The following PLCB1 variants were observed in gnomAD, a reference collection of about 807,000 sequenced individuals.
PLCB1 encodes the protein phospholipase C beta 1.
PLCB1 carries 46 observed loss-of-function variants against 161.8 expected under a neutral mutation model. The observed-to-expected ratio is 0.28, with a 90% CI of 0.22 to 0.36. The LOEUF (loss-of-function observed/expected upper bound fraction) is 0.36. Among genes scored for constraint, PLCB1 ranks in the 10% least tolerant of loss-of-function variants. The pLI, the probability that PLCB1 is intolerant of heterozygous loss-of-function variation, is 1.00. For missense variants in PLCB1, 1,016 were observed against 1,472.5 expected (o/e 0.69, Z 5.07); for synonymous variants, 517 against 503.7 (o/e 1.03, Z -0.35).
At chr20:8,421,800 C>T (rs1354814909) in intron 3 of PLCB1, among the ~76,000 whole-genome samples, 1 of 152,104 alleles carries the variant, frequency 6.6e-6, no homozygotes, top group African/African-American at 2.4e-5. Flanking sequence ...TTAGAAATGC[C>T]AGTTCTCAGG....
intron 3 of PLCB1, among the ~76,000 whole-genome samples, chr20:8,564,311 C>T (rs1020029757): frequency 6.6e-6 from 1 of 152,126 alleles, no homozygotes; most frequent in African/African-American, 2.4e-5. Flanking sequence ...GGATCCCTTC[C>T]TTACACCTTA....
At chr20:8,465,036 T>C (rs1178967187) in intron 3 of PLCB1, among the ~76,000 whole-genome samples, 1 of 152,214 alleles carries the variant, frequency 6.6e-6, no homozygotes, top group Admixed American at 6.5e-5. Flanking sequence ...ATCTTCTTAT[T>C]TATTTCCTGA....
intron 3 of PLCB1, among the ~76,000 whole-genome samples, chr20:8,593,328 A>G (rs1002006661): frequency 6.6e-6 from 1 of 151,928 alleles, no homozygotes; most frequent in African/African-American, 2.4e-5. Context: ...ACAAGCCACC[A>G]TGCCCATCTA....
At chr20:8,638,508 G>A (rs1440692557) in intron 4 of PLCB1, among the ~76,000 whole-genome samples, 3 of 151,680 alleles carry the variant, frequency 2.0e-5, no homozygotes, top group African/African-American at 4.8e-5. Context: ...ACGCACACAC[G>A]CACACACACA....
chr20:8,788,746 C>G, intron 29 of PLCB1, 24 bp downstream of exon 29: 1 of 1,415,392 alleles, frequency 7.1e-7, no homozygotes, highest in Non-Finnish European at 9.9e-7. Context: ...GTCCCCTCTC[C>G]CAAACAGTTC....
intron 2 of PLCB1, among the ~76,000 whole-genome samples, chr20:8,231,662 A>C (rs1158751823): frequency 1.3e-5 from 2 of 152,066 alleles, no homozygotes; most frequent in African/African-American, 4.8e-5. Flanking sequence ...CGCATTCCCA[A>C]GTCTAAGCAA....
chr20:8,617,400 T>C (rs557966226), intron 3 of PLCB1, among the ~76,000 whole-genome samples: 1 of 152,320 alleles, frequency 6.6e-6, no homozygotes, highest in East Asian at 1.9e-4. Context: ...TTTGAGGCTA[T>C]TTATAGTCTT....
intron 3 of PLCB1, among the ~76,000 whole-genome samples, chr20:8,605,278 C>T (rs1987722394): frequency 6.6e-6 from 1 of 151,932 alleles, no homozygotes; most frequent in Non-Finnish European, 1.5e-5. Flanking sequence ...ACCTATTTTC[C>T]CTTACCATAT....
chr20:8,815,081 C>T (rs1018408716), intron 31 of PLCB1, among the ~76,000 whole-genome samples: 3 of 152,220 alleles, frequency 2.0e-5, no homozygotes, highest in Non-Finnish European at 2.9e-5. Flanking sequence ...CCCTTCTCTA[C>T]TGTGCAGATG....
intron 2 of PLCB1, among the ~76,000 whole-genome samples, chr20:8,286,009 A>G (rs1161667789): frequency 6.6e-6 from 1 of 152,222 alleles, no homozygotes; most frequent in Non-Finnish European, 1.5e-5. Flanking sequence ...AAGGAATCCA[A>G]GAAGCATAGC....
chr20:8,414,354 A>G (rs1001039810), intron 3 of PLCB1, among the ~76,000 whole-genome samples: 17 of 152,282 alleles, frequency 1.1e-4, no homozygotes, highest in African/African-American at 3.1e-4. Flanking sequence ...AACAAAAACA[A>G]AAAACAAACA....
At chr20:8,860,905 C>T (rs1987233693) in intron 31 of PLCB1, among the ~76,000 whole-genome samples, 1 of 152,182 alleles carries the variant, frequency 6.6e-6, no homozygotes, top group Non-Finnish European at 1.5e-5. Context: ...ATGGTGGACA[C>T]AACTTTCTTA....
At chr20:8,766,572 C>T (rs1200199454) in intron 26 of PLCB1, among the ~76,000 whole-genome samples, 1 of 152,168 alleles carries the variant, frequency 6.6e-6, no homozygotes, top group African/African-American at 2.4e-5. Context: ...GGAGGGAATC[C>T]CACTGCTAGG....
chr20:8,738,525 A>G (rs6086571), intron 20 of PLCB1, among the ~76,000 whole-genome samples: 48,916 of 151,844 alleles, frequency 0.32, 8,496 homozygotes, highest in East Asian at 0.51. Flanking sequence ...GTGCACATGT[A>G]CCCAAAAACT....
intron 10 of PLCB1, among the ~76,000 whole-genome samples, chr20:8,687,433 G>T (rs6086557): frequency 0.013 from 1,928 of 152,224 alleles, 22 homozygotes; most frequent in South Asian, 0.052. Flanking sequence ...ATGAGATCCT[G>T]GTGCACCCAT....
intron 9 of PLCB1, among the ~76,000 whole-genome samples, chr20:8,665,190 TA>T (rs1403578132): frequency 6.6e-6 from 1 of 152,246 alleles, no homozygotes; most frequent in Non-Finnish European, 1.5e-5. Context: ...TATGACTTTT[TA>T]TTTGGCCTTA....
intron 27 of PLCB1, among the ~76,000 whole-genome samples, chr20:8,786,644 G>A (rs1338948223): frequency 1.3e-5 from 2 of 151,626 alleles, no homozygotes; most frequent in Admixed American, 6.6e-5. Context: ...AACACCAACC[G>A]CATAGGGCAA....
At chr20:8,512,647 C>T (rs1346395989) in intron 3 of PLCB1, among the ~76,000 whole-genome samples, 2 of 151,684 alleles carry the variant, frequency 1.3e-5, no homozygotes, top group Admixed American at 6.6e-5. Context: ...AAATTTTACC[C>T]CATATTGTAC....
Position 8,247,558 on chromosome 20 carries a change from A to T in PLCB1, c.177+97187A>T, listed in dbSNP as rs531144059. ...GAATTTAAGAATTGGCCAGGCTAAG[A>T]TTCAAATTCCAGTGCCACCATTTAT... is the stretch of plus-strand genomic sequence containing the variant. On this transcript the variant is annotated intron_variant, in intron 2 of 31. Coordinates refer to ENST00000338037, the MANE Select transcript of PLCB1 (RefSeq NM_015192.4). Among the ~76,000 whole-genome samples the T allele has an allele frequency of 3.9e-5, 6 of 151,936 alleles. No individual in the cohort carries two copies. The East Asian group carries it at 5.8e-4, about 15-fold the overall frequency.
Sources: allele counts gnomAD v4.1 joint callset (sites outside exome capture counted in the v4.1 genomes callset), GRCh38; gene constraint gnomAD v4.1.1; transcripts MANE v1.5; gene names NCBI Gene and HGNC (gene_info 2026-07-23, HGNC 2026-07-21).